Variants in ACAN observed in about 807,000 individuals in gnomAD.
ACAN encodes aggrecan core protein.
Under a neutral mutation model 169.1 loss-of-function variants are expected in ACAN, and 47 were observed. The observed-to-expected ratio is 0.28, with a 90% CI of 0.22 to 0.35. ACAN has a LOEUF of 0.35. Ranked by LOEUF, ACAN falls within the 10% of genes least tolerant of loss-of-function variation. The pLI, the probability that ACAN is intolerant of heterozygous loss-of-function variation, is 1.00. For synonymous variants in ACAN, 1,115 were observed against 1,112.2 expected, an observed-to-expected ratio of 1.00 and a Z score of -0.05; for missense variants, 2,716 against 2,759.9, an observed-to-expected ratio of 0.98 and a Z score of 0.36.
Position 88,870,937 on chromosome 15 carries a change from G to A in ACAN, c.7061-445G>A, listed in dbSNP as rs1474179045. ...TGCCAGCTCCGCTCCATGCCCCAGCGCTACCAGCTTCCACTGCCTCCACAC... is the reference window on the plus strand; with the variant it reads ...TGCCAGCTCCGCTCCATGCCCCAGCACTACCAGCTTCCACTGCCTCCACAC... On this transcript the variant is annotated intron_variant, in intron 14 of 18. Transcript: ENST00000560601. This position sits in a 1 kb window ranked among gnomAD's most constrained non-coding sequence, Gnocchi z 6.3. 6.6e-6 allele frequency among the ~76,000 whole-genome samples: 1 copy of A among 152,130 alleles called. No individual in the cohort carries two copies. Among genetic ancestry groups the A allele is most frequent in the Non-Finnish European group, 1.5e-5 (1 of 68,024 alleles).
At chr15:88,834,013 G>C (rs1475962480) in intron 1 of ACAN, among the ~76,000 whole-genome samples, 1 of 152,208 alleles carries the variant, frequency 6.6e-6, no homozygotes, top group Non-Finnish European at 1.5e-5. Context: ...GAGTGGAGAA[G>C]ACACTTTGCC....
chr15:88,834,060 C>T (rs114820320), intron 1 of ACAN, among the ~76,000 whole-genome samples: 1,552 of 152,286 alleles, frequency 0.01, 24 homozygotes, highest in African/African-American at 0.035. Context: ...AGCCGCAACT[C>T]GTCACATGGG....
intron 1 of ACAN, among the ~76,000 whole-genome samples, chr15:88,823,598 A>G (rs1300095850): frequency 4.6e-5 from 7 of 152,124 alleles, no homozygotes. Flanking sequence ...AGCCAAATTC[A>G]TCCTTCACGT....
Position 88,873,888 on chromosome 15 carries a change from G to A in ACAN, c.7494G>A (p.Gly2498=). 4 of 1,613,818 alleles carry A rather than the reference G, an allele frequency of 2.5e-6. No homozygotes were observed. Among genetic ancestry groups the A allele is most frequent in the Admixed American group, 1.7e-5 (1 of 60,022 alleles). ...TGGTGGAGCATGCCAGGACCTTCGG[G>A]CAGAAGAAGGACCGGTATGAGATCA... ...PPVVEHARTF[G]QKKDRYEINS... Residue 2498 remains glycine, a synonymous_variant, in exon 18 of 19, where the codon GGG becomes GGA. Coordinates refer to ENST00000560601, the MANE Select transcript of ACAN (RefSeq NM_001369268.1). This position sits in a 1 kb window ranked among gnomAD's most constrained non-coding sequence, Gnocchi z 7.5.
Position 88,839,102 on chromosome 15 carries a change from G to T in ACAN, c.454+56G>T, listed in dbSNP as rs1896584320. 6.3e-7 allele frequency: 1 copy of T among 1,579,202 alleles called. No individual in the cohort carries two copies. The highest frequency in any genetic ancestry group is 8.6e-7 in the Non-Finnish European group (1 of 1,169,424). ...TTCACCCACATAAAGAACCAGAGCAGTCTCCGCAGTGCAGGCGCAGGCAGG... is the reference window on the plus strand; with the variant it reads ...TTCACCCACATAAAGAACCAGAGCATTCTCCGCAGTGCAGGCGCAGGCAGG... On this transcript the variant is annotated intron_variant, in intron 3 of 18. Coordinates refer to ENST00000560601, the MANE Select transcript of ACAN (RefSeq NM_001369268.1). This position sits in a 1 kb window ranked among gnomAD's most constrained non-coding sequence, Gnocchi z 4.5.
chr15:88,822,308 C>T (rs1005347833), intron 1 of ACAN, among the ~76,000 whole-genome samples: 9 of 152,220 alleles, frequency 5.9e-5, no homozygotes, highest in South Asian at 4.1e-4. Flanking sequence ...CCCAACCTTT[C>T]TTCGGGCAAA....
rs370627724 is a variant in ACAN, at chr15:88,852,026, G to A, written c.2259G>A (p.Pro753=). 32 of 1,599,650 alleles carry A rather than the reference G, an allele frequency of 2.0e-5. No homozygotes were observed. Among genetic ancestry groups the A allele is most frequent in the African/African-American group, 1.5e-4 (11 of 74,408 alleles). Residue 753 remains proline, a synonymous_variant, in exon 11 of 19, where the codon CCG becomes CCA. Transcript: ENST00000560601. ...CCTATACCCCAGTGGGCACATCCCC[G>A]CTGCCAGGTTGGTATGGCTTGGGTT... ...EPAYTPVGTS[P]LPGILPTWPP...
chr15:88,847,801 A>G, intron 8 of ACAN, 110 bp from the exon 9 acceptor site: 1 of 1,366,786 alleles, frequency 7.3e-7, no homozygotes, highest in East Asian at 2.4e-5. Flanking sequence ...ACCACCAGAC[A>G]ACTGAAGACA....
chr15:88,872,046 C>T lies in ACAN; in HGVS notation c.7263C>T (p.Thr2421=). ...AGTGGATCGGCCTGAACGACAGGAC[C>T]ATCGAAGGGGACTTCCGCTGGTCAG... ...DYQWIGLNDR[T]IEGDFRWSDG... is the part of the protein sequence containing the mutation. The change falls in exon 16 of 19, where the codon ACC becomes ACT. Residue 2421 remains threonine (T), a synonymous_variant. Transcript: ENST00000560601. The surrounding 1 kb of genome is among the most constrained non-coding windows in gnomAD (Gnocchi z 5.4). 8 of 1,614,006 alleles carry T rather than the reference C, an allele frequency of 5.0e-6. No homozygotes were observed. Among genetic ancestry groups the T allele is most frequent in the Non-Finnish European group, 6.8e-6 (8 of 1,179,930 alleles).
chr15:88,849,425 C>T lies in ACAN; in HGVS notation c.1733-13C>T. 6.4e-7 allele frequency: 1 copy of T among 1,566,276 alleles called. No homozygotes were observed. On this transcript the variant is annotated splice_polypyrimidine_tract_variant and intron_variant, in intron 9 of 18. Transcript: ENST00000560601. This position sits in a 1 kb window ranked among gnomAD's most constrained non-coding sequence, Gnocchi z 5.1. The stretch of plus-strand genomic sequence containing the variant: ...TGGGGGGGTCATATTCTACCCCTTG[C>T]CTCTGCCCCCAGGGGAGGTGTTCTT...
At chr15:88,831,848 A>T (rs1040320055) in intron 1 of ACAN, among the ~76,000 whole-genome samples, 1 of 152,156 alleles carries the variant, frequency 6.6e-6, no homozygotes, top group African/African-American at 2.4e-5. Flanking sequence ...CCGCCACAGG[A>T]GGAAGCGTTG....
intron 1 of ACAN, among the ~76,000 whole-genome samples, chr15:88,810,344 C>G (rs1008462108): frequency 2.0e-5 from 3 of 151,714 alleles, no homozygotes; most frequent in African/African-American, 7.3e-5. Context: ...GTTTCCAGGG[C>G]TAATTTTGGG....
In ACAN at chr15:88,868,230, C is replaced by T; in HGVS notation, c.6961C>T (p.Leu2321Phe). 1.4e-6 allele frequency: 1 copy of T among 702,624 alleles called. No individual in the cohort carries two copies. The highest frequency in any genetic ancestry group is 2.6e-6 in the Non-Finnish European group (1 of 384,800). 43.5% of individuals were successfully genotyped at this position (702,624 alleles called of 1,614,324 possible). Residue 2321 changes from leucine to phenylalanine, a missense_variant, in exon 14 of 19, where the codon CTC (leucine) becomes TTC (phenylalanine). Physicochemically the swap from Leu to Phe is conservative, Grantham distance 22. Transcript: ENST00000560601. The surrounding 1 kb of genome is among the most constrained non-coding windows in gnomAD (Gnocchi z 5.2). Reference sequence around the variant, plus strand: ...GTTTCTTGCAGACATTGATGAGTGCCTCTCAAGCCCTTGTCTGAATGGAGC... The same window carrying T: ...GTTTCTTGCAGACATTGATGAGTGCTTCTCAAGCCCTTGTCTGAATGGAGC... ...EHCNIDIDEC[L>F]SSPCLNGATC...
chr15:88,843,541 G>T lies in ACAN; in HGVS notation c.944G>T (p.Arg315Leu). The change falls in exon 6 of 19, where the codon CGG (arginine) becomes CTG (leucine). Residue 315 changes from arginine (R) to leucine (L), a missense_variant. Coordinates refer to ENST00000560601, the MANE Select transcript of ACAN (RefSeq NM_001369268.1). The surrounding 1 kb of genome is among the most constrained non-coding windows in gnomAD (Gnocchi z 4.0). ...RSVRYPISKA[R>L]PNCGGNLLGV... ...GTGCGCTACCCCATCTCCAAGGCCC[G>T]GCCCAACTGCGGTGGCAACCTCCTG... is the stretch of plus-strand genomic sequence containing the variant. 6.2e-7 allele frequency: 1 copy of T among 1,612,656 alleles called. No individual in the cohort carries two copies. Among genetic ancestry groups the T allele is most frequent in the South Asian group, 1.1e-5 (1 of 91,036 alleles).
Position 88,874,376 on chromosome 15 carries a change from G to C in ACAN, c.7631-29G>C. Reference sequence around the variant, plus strand: ...GCCCCACTTTCTTTCCAGGTCCACTGATATCTTTCCATCTCCCTTTCGTCC... The same window carrying C: ...GCCCCACTTTCTTTCCAGGTCCACTCATATCTTTCCATCTCCCTTTCGTCC... On this transcript the variant is annotated intron_variant, in intron 18 of 18. Coordinates refer to ENST00000560601, the MANE Select transcript of ACAN (RefSeq NM_001369268.1). This position sits in a 1 kb window ranked among gnomAD's most constrained non-coding sequence, Gnocchi z 7.3. 1.3e-6 allele frequency: 2 copies of C among 1,568,812 alleles called. No individual in the cohort carries two copies. The highest frequency in any genetic ancestry group is 1.2e-5 in the South Asian group (1 of 85,702).
chr15:88,848,228 T>C (rs1006138485), intron 9 of ACAN, among the ~76,000 whole-genome samples, 190 bp downstream of exon 9: 2 of 152,128 alleles, frequency 1.3e-5, no homozygotes, highest in African/African-American at 4.8e-5. Context: ...GTGCCTGCTC[T>C]CCTACTGAAT....
intron 1 of ACAN, among the ~76,000 whole-genome samples, chr15:88,825,773 AC>A (rs753360101): frequency 1.2e-4 from 17 of 141,742 alleles, no homozygotes; most frequent in Admixed American, 2.8e-4. Flanking sequence ...CACGTCCTAA[AC>A]CCCAGCCTGC....
At chr15:88,817,999 T>C (rs1469361459) in intron 1 of ACAN, among the ~76,000 whole-genome samples, 2 of 151,976 alleles carry the variant, frequency 1.3e-5, no homozygotes, top group East Asian at 3.9e-4. Flanking sequence ...TACAGAAAAA[T>C]AGAATGGAAT....
chr15:88,859,343 C>T lies in ACAN; in HGVS notation c.6758C>T (p.Thr2253Ile). ...YSGEETHTVE[T>I]ATSPTDASIP... ...GGAGAAGAGACTCACACAGTCGAAA[C>T]AGCCACCTCCCCAACAGATGCTTCC... The change falls in exon 12 of 19, where the codon ACA (threonine) becomes ATA (isoleucine). Residue 2253 changes from threonine (T) to isoleucine (I), a missense_variant. Transcript: ENST00000560601. 6.2e-7 allele frequency: 1 copy of T among 1,601,558 alleles called. No homozygotes were observed. Among genetic ancestry groups the T allele is most frequent in the East Asian group, 2.3e-5 (1 of 44,196 alleles).
Sources: gnomAD v4.1 joint callset for allele counts (sites outside exome capture counted in the v4.1 genomes callset) on GRCh38, gnomAD v4.1.1 for gene constraint, Gnocchi (gnomAD v3.1) non-coding constraint, MANE v1.5 for transcripts, NCBI Gene and HGNC (gene_info 2026-07-23, HGNC 2026-07-21) for gene names.